Variants in ST3GAL4 observed in about 807,000 individuals in gnomAD.
ST3GAL4 encodes the protein CMP-N-acetylneuraminate-beta-galactosamide-alpha-2,3-sialyltransferase 4.
A neutral mutation model predicts 42.6 loss-of-function variants in ST3GAL4; 24 were observed. The observed-to-expected ratio is 0.56, with a 90% CI of 0.41 to 0.79. The LOEUF is 0.79. Ranked by LOEUF, ST3GAL4 falls within the 30% of genes least tolerant of loss-of-function variation. The pLI is 0.00. For missense variants in ST3GAL4, 311 were observed against 430.8 expected, an observed-to-expected ratio of 0.72 and a Z score of 2.46; for synonymous variants, 135 against 163.2, an observed-to-expected ratio of 0.83 and a Z score of 1.32.
In ST3GAL4 at chr11:126,406,212, C is replaced by T. The variant is rs1954222800; in HGVS notation, c.16+41C>T. 6.4e-7 allele frequency: 1 copy of T among 1,554,922 alleles called. No homozygotes were observed. The highest frequency in any genetic ancestry group is 8.7e-7 in the Non-Finnish European group (1 of 1,149,402). On this transcript the variant is annotated intron_variant, in intron 2 of 10. Coordinates refer to ENST00000444328, the MANE Select transcript of ST3GAL4 (RefSeq NM_001254757.2). This position sits in a 1 kb window ranked among gnomAD's most constrained non-coding sequence, Gnocchi z 5.4. ...GGGCTCCCCCACCCTGGAGGACAGG[C>T]CTCAGAAGCCGTCTTCAGCAGGATC...
In ST3GAL4 at chr11:126,384,539, C is replaced by T. The variant is rs1051491349; in HGVS notation, c.-60-21557C>T. ...GGCCTGCCTGTGGGGTCACCATGGACAGGAGGCTGGTGTCTGGTCAGGCTG... is the reference window on the plus strand; with the variant it reads ...GGCCTGCCTGTGGGGTCACCATGGATAGGAGGCTGGTGTCTGGTCAGGCTG... On this transcript the variant is annotated intron_variant, in intron 1 of 10. Coordinates refer to ENST00000444328, the MANE Select transcript of ST3GAL4 (RefSeq NM_001254757.2). This position sits in a 1 kb window ranked among gnomAD's most constrained non-coding sequence, Gnocchi z 5.5. 6.6e-6 allele frequency among the ~76,000 whole-genome samples: 1 copy of T among 152,116 alleles called. No individual in the cohort carries two copies. Among genetic ancestry groups the T allele is most frequent in the African/African-American group, 2.4e-5 (1 of 41,412 alleles).
At position 126,413,657 on chromosome 11, in the gene ST3GAL4, C is replaced by T; in HGVS notation, c.915+9C>T. 5.0e-6 allele frequency: 8 copies of T among 1,613,712 alleles called. No individual in the cohort carries two copies. Among genetic ancestry groups the T allele is most frequent in the Non-Finnish European group, 6.8e-6 (8 of 1,179,610 alleles). ...CGCTCAAGTCCATGGCGGTAAGTGC[C>T]TGGCTTGTGAGCATGGTGGGCCAGG... On this transcript the variant is annotated intron_variant, in intron 10 of 10. Transcript: ENST00000444328.
rs1205083378 is a variant in ST3GAL4, at chr11:126,366,899, GGCAGGGCTGGAATTTGTGGCACCT to G, written c.-61+11067_-61+11090del. 1.3e-5 allele frequency among the ~76,000 whole-genome samples: 2 copies of G among 152,192 alleles called. No homozygotes were observed. The highest frequency in any genetic ancestry group is 1.5e-5 in the Non-Finnish European group (1 of 68,040). On this transcript the variant is annotated intron_variant, in intron 1 of 10. Coordinates refer to ENST00000444328, the MANE Select transcript of ST3GAL4 (RefSeq NM_001254757.2). This position sits in a 1 kb window ranked among gnomAD's most constrained non-coding sequence, Gnocchi z 4.2. ...CCTGAATTCAGAGGCTGTACTGTGG[GGCAGGGCTGGAATTTGTGGCACCT>G]GCAGGGCTGAACGTTGCCTTTGCTG...
intron 1 of ST3GAL4, among the ~76,000 whole-genome samples, chr11:126,365,059 GCAGGAGGAAACAGCCATGCAGGGGCGGC>G (rs1211708419): frequency 6.9e-6 from 1 of 145,022 alleles, no homozygotes; most frequent in Non-Finnish European, 1.5e-5. Context: ...CTCCTCCTGG[GCAGGAGGAAACAGCCATGCAGGGGCGGC>G]CAGGAGGACT....
In ST3GAL4 at chr11:126,398,764, GC is replaced by G. The variant is rs1193315718; in HGVS notation, c.-60-7331del. 1.1e-4 allele frequency among the ~76,000 whole-genome samples: 17 copies of G among 152,302 alleles called. No homozygotes were observed. The South Asian group carries it at 3.5e-3, about 32-fold the overall frequency. Reference sequence around the variant, plus strand: ...AGCCCCTGCATTCTGTACTCTGGTGGCATTAGGACCATGTGGGATGCCACCA... The same window carrying G: ...AGCCCCTGCATTCTGTACTCTGGTGGATTAGGACCATGTGGGATGCCACCA... On this transcript the variant is annotated intron_variant, in intron 1 of 10. Coordinates refer to ENST00000444328, the MANE Select transcript of ST3GAL4 (RefSeq NM_001254757.2). This position sits in a 1 kb window ranked among gnomAD's most constrained non-coding sequence, Gnocchi z 4.7.
chr11:126,381,691 C>T (rs1178796880), intron 1 of ST3GAL4, among the ~76,000 whole-genome samples: 2 of 150,564 alleles, frequency 1.3e-5, no homozygotes, highest in African/African-American at 2.4e-5. Flanking sequence ...TGGACCTTTC[C>T]CACCAGTCCT....
intron 1 of ST3GAL4, chr11:126,403,493 C>G (rs980430310): frequency 2.1e-6 from 2 of 970,676 alleles, no homozygotes; most frequent in Non-Finnish European, 2.4e-6. Flanking sequence ...GGAGGTACGG[C>G]GCTGATTTGT....
chr11:126,372,477 C>T (rs9704688), intron 1 of ST3GAL4, among the ~76,000 whole-genome samples: 26,577 of 149,920 alleles, frequency 0.18, 2,539 homozygotes, highest in East Asian at 0.36. Context: ...AGTGTAATGG[C>T]GCGATCTCAG....
Position 126,373,339 on chromosome 11 carries a change from G to T in ST3GAL4, c.-61+17497G>T, listed in dbSNP as rs1952723263. ...GCATTGCTTCTCCTGGGATGGAGGG[G>T]TGCCGGGGAGCCCCTGACCAGGACC... On this transcript the variant is annotated intron_variant, in intron 1 of 10. Transcript: ENST00000444328. This position sits in a 1 kb window ranked among gnomAD's most constrained non-coding sequence, Gnocchi z 5.5. 6.6e-6 allele frequency among the ~76,000 whole-genome samples: 1 copy of T among 152,158 alleles called. No homozygotes were observed. The highest frequency in any genetic ancestry group is 1.5e-5 in the Non-Finnish European group (1 of 68,038).
In ST3GAL4 at chr11:126,396,450, A is replaced by G. The variant is rs141907474; in HGVS notation, c.-60-9646A>G. Among the ~76,000 whole-genome samples the G allele has an allele frequency of 6.1e-4, 93 of 152,022 alleles. 1 individual carries two copies. Among genetic ancestry groups the G allele is most frequent in the African/African-American group, 1.8e-3 (73 of 41,300 alleles). ...GAAGTCTGGTGTCCAGCTGGCAGGC[A>G]TTAGTGGTCCCATGAATACAGCTGT... On this transcript the variant is annotated intron_variant, in intron 1 of 10. Transcript: ENST00000444328. The surrounding 1 kb of genome is among the most constrained non-coding windows in gnomAD (Gnocchi z 5.8).
At chr11:126,402,094 A>ATGGGGGGGGAGGGGGGG (rs1954026819) in intron 1 of ST3GAL4, among the ~76,000 whole-genome samples, 1 of 140,732 alleles carries the variant, frequency 7.1e-6, no homozygotes, top group Non-Finnish European at 1.5e-5. Flanking sequence ...TGGGGGAAAG[A>ATGGGGGGGGAGGGGGGG]GGGGAGGTAG....
At position 126,406,250 on chromosome 11, in the gene ST3GAL4, G is replaced by C; in HGVS notation, c.16+79G>C. The C allele has an allele frequency of 6.4e-7, 1 of 1,550,462 alleles. No homozygotes were observed. The highest frequency in any genetic ancestry group is 8.7e-7 in the Non-Finnish European group (1 of 1,147,224). On this transcript the variant is annotated intron_variant, in intron 2 of 10. Coordinates refer to ENST00000444328, the MANE Select transcript of ST3GAL4 (RefSeq NM_001254757.2). This position sits in a 1 kb window ranked among gnomAD's most constrained non-coding sequence, Gnocchi z 5.4. The stretch of plus-strand genomic sequence containing the variant: ...CTTCAGCAGGATCCTGGGACCTCTG[G>C]GGGCTGTGGAGGGACAGACAGGGAG...
Position 126,406,762 on chromosome 11 carries a change from G to T in ST3GAL4, c.102-181G>T. The T allele has an allele frequency of 1.1e-6, 1 of 925,698 alleles. No individual in the cohort carries two copies. The highest frequency in any genetic ancestry group is 1.7e-5 in the South Asian group (1 of 60,018). 57.3% of individuals were successfully genotyped at this position (925,698 alleles called of 1,614,324 possible). A position where few individuals can be genotyped will look rare whatever the true frequency, so the allele number is the denominator to read the frequency against. On this transcript the variant is annotated intron_variant, in intron 3 of 10. Coordinates refer to ENST00000444328, the MANE Select transcript of ST3GAL4 (RefSeq NM_001254757.2). This position sits in a 1 kb window ranked among gnomAD's most constrained non-coding sequence, Gnocchi z 5.4. ...ATGTCTCACTGGGCCCTCACCCAGG[G>T]AGTGCAGGGGCAGGAAGACCTGGAT... is the stretch of plus-strand genomic sequence containing the variant.
Position 126,409,925 on chromosome 11 carries a change from T to A in ST3GAL4, c.771+514T>A, listed in dbSNP as rs1178521390. ...ATGGGTTTTTGTTTTGTTTTAAAGA[T>A]AGCGTCTCACTCTGCCACCCAGGAT... On this transcript the variant is annotated intron_variant, in intron 9 of 10. Coordinates refer to ENST00000444328, the MANE Select transcript of ST3GAL4 (RefSeq NM_001254757.2). The surrounding 1 kb of genome is among the most constrained non-coding windows in gnomAD (Gnocchi z 4.9). Among the ~76,000 whole-genome samples, 1 of 152,190 alleles carries A rather than the reference T, an allele frequency of 6.6e-6. No individual in the cohort carries two copies. Among genetic ancestry groups the A allele is most frequent in the Admixed American group, 6.5e-5 (1 of 15,284 alleles).
chr11:126,406,441 G>T lies in ST3GAL4; in HGVS notation c.17-32G>T. 6.2e-7 allele frequency: 1 copy of T among 1,614,054 alleles called. No homozygotes were observed. The highest frequency in any genetic ancestry group is 2.2e-5 in the East Asian group (1 of 44,884). On this transcript the variant is annotated intron_variant, in intron 2 of 10. Transcript: ENST00000444328. This position sits in a 1 kb window ranked among gnomAD's most constrained non-coding sequence, Gnocchi z 5.4. Reference sequence around the variant, plus strand: ...ACGGGGGTTGTACCTGCCTGTTGCTGCCTCTAGCTCCTCTCTGCATGTGTC... The same window carrying T: ...ACGGGGGTTGTACCTGCCTGTTGCTTCCTCTAGCTCCTCTCTGCATGTGTC...
chr11:126,394,237 G>A (rs1348687360), intron 1 of ST3GAL4, among the ~76,000 whole-genome samples: 1 of 152,148 alleles, frequency 6.6e-6, no homozygotes, highest in Non-Finnish European at 1.5e-5. Context: ...GCTTCTCCTG[G>A]GAGGGAGGAG....
In ST3GAL4 at chr11:126,410,487, G is replaced by A. The variant is rs768262100; in HGVS notation, c.771+1076G>A. 6.6e-6 allele frequency among the ~76,000 whole-genome samples: 1 copy of A among 152,238 alleles called. No homozygotes were observed. Among genetic ancestry groups the A allele is most frequent in the African/African-American group, 2.4e-5 (1 of 41,446 alleles). On this transcript the variant is annotated intron_variant, in intron 9 of 10. Transcript: ENST00000444328. This position sits in a 1 kb window ranked among gnomAD's most constrained non-coding sequence, Gnocchi z 5.3. Reference sequence around the variant, plus strand: ...TCAGATCCTTGTTTTTCTTGCCTGTGTGGTGGGATAATATCCATAATGACC... The same window carrying A: ...TCAGATCCTTGTTTTTCTTGCCTGTATGGTGGGATAATATCCATAATGACC...
At chr11:126,387,263 A>G (rs1450533022) in intron 1 of ST3GAL4, among the ~76,000 whole-genome samples, 1 of 152,212 alleles carries the variant, frequency 6.6e-6, no homozygotes, top group Non-Finnish European at 1.5e-5. Flanking sequence ...GGTCGTTTGC[A>G]CTCACACAAG....
Position 126,413,691 on chromosome 11 carries a change from G to A in ST3GAL4, c.915+43G>A, listed in dbSNP as rs755932476. Reference sequence around the variant, plus strand: ...GAGCATGGTGGGCCAGGGCGTGGACGGGCAGACAGTCAGAGGGGCACTGGG... The same window carrying A: ...GAGCATGGTGGGCCAGGGCGTGGACAGGCAGACAGTCAGAGGGGCACTGGG... On this transcript the variant is annotated intron_variant, in intron 10 of 10. Coordinates refer to ENST00000444328, the MANE Select transcript of ST3GAL4 (RefSeq NM_001254757.2). 82 of 1,608,242 alleles carry A rather than the reference G, an allele frequency of 5.1e-5. 1 individual carries two copies. The South Asian group carries it at 7.4e-4, about 15-fold the overall frequency.
Sources: gnomAD v4.1 joint callset for allele counts (sites outside exome capture counted in the v4.1 genomes callset) on GRCh38, gnomAD v4.1.1 for gene constraint, Gnocchi (gnomAD v3.1) non-coding constraint, MANE v1.5 for transcripts, NCBI Gene and HGNC (gene_info 2026-07-23, HGNC 2026-07-21) for gene names.